ENOSF1: variants seen among roughly 807,000 people sequenced by gnomAD.
ENOSF1 encodes the protein enolase superfamily member 1.
ENOSF1 carries 73 observed loss-of-function variants against 68.2 expected under a neutral mutation model. The ratio of observed to expected loss-of-function variants is 1.07; its 90% CI spans 0.89 to 1.30. The LOEUF (loss-of-function observed/expected upper bound fraction) is 1.30. Ranked by LOEUF, ENOSF1 falls within the 50% of genes most tolerant of loss-of-function variation. The pLI, the probability that ENOSF1 is intolerant of heterozygous loss-of-function variation, is 0.00. For synonymous variants in ENOSF1, 223 were observed against 210.4 expected, an observed-to-expected ratio of 1.06 and a Z score of -0.52; for missense variants, 589 against 554.5, an observed-to-expected ratio of 1.06 and a Z score of -0.62.
chr18:691,226 G>C lies in ENOSF1; in HGVS notation c.474C>G (p.Val158=). The part of the protein sequence containing the change: ...SCIDFRYITD[V]LTEEDALEIL... The stretch of plus-strand genomic sequence containing the variant: ...CACCTAGGGCATCCTCCTCAGTCAG[G>C]ACATCAGTGATGTACCTGAAATCTA... Residue 158 remains valine, a synonymous_variant, in exon 6 of 16, where the codon GTC becomes GTG. Transcript: ENST00000647584. 6.2e-7 allele frequency: 1 copy of C among 1,614,156 alleles called. No individual in the cohort carries two copies. Among genetic ancestry groups the C allele is most frequent in the African/African-American group, 1.3e-5 (1 of 75,038 alleles).
intron 2 of ENOSF1, among the ~76,000 whole-genome samples, chr18:703,174 T>A (rs566184860): frequency 6.6e-6 from 1 of 152,148 alleles, no homozygotes; most frequent in South Asian, 2.1e-4. Flanking sequence ...GAGATGGAAG[T>A]TGATTTATCC....
intron 10 of ENOSF1, among the ~76,000 whole-genome samples, chr18:685,456 T>C (rs538862395): frequency 1.3e-5 from 2 of 152,136 alleles, no homozygotes; most frequent in Non-Finnish European, 2.9e-5. Context: ...CAAAGCCTCA[T>C]AAAAACATCT....
intron 11 of ENOSF1, among the ~76,000 whole-genome samples, chr18:679,653 G>A (rs74198211): frequency 1.3e-5 from 2 of 151,912 alleles, no homozygotes; most frequent in African/African-American, 4.8e-5. Flanking sequence ...ACCTGGTAGA[G>A]TCCTCACCTG....
Position 694,243 on chromosome 18 carries a change from G to T in ENOSF1, c.396+5C>A. The T allele has an allele frequency of 6.2e-7, 1 of 1,613,892 alleles. No individual in the cohort carries two copies. The highest frequency in any genetic ancestry group is 8.5e-7 in the Non-Finnish European group (1 of 1,179,884). On this transcript the variant is annotated splice_donor_5th_base_variant and intron_variant, in intron 4 of 15. Transcript: ENST00000647584. ...AGCCTCCTGAGCGTTTGTGAGAGGG[G>T]TTACCTTTCCCTCCTGCTTGGCCCA...
chr18:675,676 A>C, intron 14 of ENOSF1: 1 of 349,262 alleles, frequency 2.9e-6, no homozygotes, highest in Non-Finnish European at 5.2e-6. Context: ...ATCAATTCAG[A>C]CTCTGTAAAT....
downstream of ENOSF1, among the ~76,000 whole-genome samples, chr18:668,497 A>G (rs141259199): frequency 6.6e-6 from 1 of 152,328 alleles, no homozygotes; most frequent in Non-Finnish European, 1.5e-5. Context: ...AGGTTTCCTG[A>G]TGTTTCCAAG....
downstream of ENOSF1, among the ~76,000 whole-genome samples, chr18:667,346 A>AGATGGT (rs1275104027): frequency 1.4e-3 from 12 of 8,606 alleles, 2 homozygotes; most frequent in Admixed American, 2.8e-3. Context: ...ATGGTGATGG[A>AGATGGT]GATGGTGATG....
Position 675,433 on chromosome 18 carries a change from A to G in ENOSF1, c.1149-31T>C, listed in dbSNP as rs764991148. On this transcript the variant is annotated intron_variant, in intron 14 of 15. Transcript: ENST00000647584. Reference sequence around the variant, plus strand: ...AGGAGGGAATCAGATCGGGGCAATGATGCCTGAAGTCAGATTATTCACGTG... The same window carrying G: ...AGGAGGGAATCAGATCGGGGCAATGGTGCCTGAAGTCAGATTATTCACGTG... 8.9e-6 allele frequency: 14 copies of G among 1,574,560 alleles called. 1 individual carries two copies. Among genetic ancestry groups the G allele is most frequent in the Middle Eastern group, 1.7e-4 (1 of 6,036 alleles).
chr18:663,174 C>T, the ENOSF1 span, among the ~76,000 whole-genome samples: 4 of 94,680 alleles, frequency 4.2e-5, 1 homozygote, highest in Non-Finnish European at 7.8e-5. Context: ...CTCTCCAGCA[C>T]CTGTTGTTTC....
intron 14 of ENOSF1, among the ~76,000 whole-genome samples, chr18:676,376 T>C (rs1160819321): frequency 6.6e-6 from 1 of 151,512 alleles, no homozygotes; most frequent in African/African-American, 2.4e-5. Flanking sequence ...CCTTCATGAA[T>C]GGTTTGGCAC....
At chr18:694,155 G>T in intron 4 of ENOSF1, 93 bp downstream of exon 4, 1 of 1,309,446 alleles carries the variant, frequency 7.6e-7, no homozygotes, top group Non-Finnish European at 1.1e-6. Flanking sequence ...TTCCTTTTGG[G>T]GGCTGCAGTG....
At chr18:668,974 A>C, downstream of ENOSF1, 1 of 964,938 alleles carries the variant, frequency 1.0e-6, no homozygotes, top group Non-Finnish European at 1.6e-6. Flanking sequence ...TCAAGGGGGG[A>C]CCCTGGGTAA....
chr18:668,038 A>C (rs2853527), downstream of ENOSF1, among the ~76,000 whole-genome samples: 2 of 139,844 alleles, frequency 1.4e-5, no homozygotes, highest in East Asian at 4.4e-4. Context: ...CCCTGGACAC[A>C]CTACCCAGTT....
At chr18:707,822 C>A (rs1175718371) in intron 1 of ENOSF1, among the ~76,000 whole-genome samples, 1 of 150,592 alleles carries the variant, frequency 6.6e-6, no homozygotes, top group Admixed American at 6.7e-5. Context: ...TAGTAATTTA[C>A]AAAAGGTCAC....
intron 14 of ENOSF1, 134 bp from the exon 15 acceptor site, chr18:675,536 T>C (rs1227401640): frequency 1.9e-5 from 14 of 756,400 alleles, no homozygotes; most frequent in Non-Finnish European, 3.2e-5. Context: ...TACCATGCGT[T>C]TCTAGGCAAG....
intron 10 of ENOSF1, among the ~76,000 whole-genome samples, chr18:684,765 T>G (rs1250989371): frequency 1.3e-5 from 2 of 152,114 alleles, no homozygotes; most frequent in East Asian, 3.9e-4. Context: ...CCTGATCTTA[T>G]TGTGCTTGGA....
chr18:685,364 A>G (rs1021569986), intron 10 of ENOSF1, among the ~76,000 whole-genome samples: 1 of 152,150 alleles, frequency 6.6e-6, no homozygotes, highest in Non-Finnish European at 1.5e-5. Context: ...TTAAAAAAAA[A>G]AAGCAGCATT....
At chr18:678,405 C>G in intron 12 of ENOSF1, 1 of 468,130 alleles carries the variant, frequency 2.1e-6, no homozygotes, top group East Asian at 3.6e-5. Flanking sequence ...TTTCTTAAGA[C>G]CATTTTCTGC....
chr18:679,280 G>C (rs1412196625), intron 11 of ENOSF1, among the ~76,000 whole-genome samples: 1 of 146,432 alleles, frequency 6.8e-6, no homozygotes, highest in East Asian at 2.0e-4. Context: ...CATGATCTTA[G>C]CTCACCGCAA....
Sources: allele counts gnomAD v4.1 joint callset (sites outside exome capture counted in the v4.1 genomes callset), GRCh38; gene constraint gnomAD v4.1.1; transcripts MANE v1.5; gene names NCBI Gene and HGNC (gene_info 2026-07-23, HGNC 2026-07-21).